The following BICD2 variants were observed in gnomAD, a reference collection of about 807,000 sequenced individuals.
The protein encoded by BICD2 is protein bicaudal D homolog 2.
BICD2 carries 25 observed loss-of-function variants against 72.9 expected under a neutral mutation model. That is an observed-to-expected ratio of 0.34 (90% CI 0.25 to 0.48). The LOEUF is 0.48. Among genes scored for constraint, BICD2 ranks in the 20% least tolerant of loss-of-function variants. The pLI, the probability that BICD2 is intolerant of heterozygous loss-of-function variation, is 0.99. For synonymous variants in BICD2, 501 were observed against 516.1 expected, an observed-to-expected ratio of 0.97 and a Z score of 0.40; for missense variants, 894 against 1,175.2, an observed-to-expected ratio of 0.76 and a Z score of 3.50.
intron 2 of BICD2, among the ~76,000 whole-genome samples, chr9:92,727,607 C>G (rs555305504): frequency 6.6e-6 from 1 of 152,254 alleles, no homozygotes; most frequent in Admixed American, 6.5e-5. Context: ...CTGCAGCTCA[C>G]GTGCCAACTT....
rs897213364 is a variant in BICD2, at chr9:92,747,882, C to A, written c.240+16623G>T. Among the ~76,000 whole-genome samples the A allele has an allele frequency of 2.6e-5, 4 of 152,188 alleles. No homozygotes were observed. In the East Asian group the frequency reaches 7.7e-4, roughly 29 times the overall value. On this transcript the variant is annotated intron_variant, in intron 1 of 6. Coordinates refer to ENST00000356884, the MANE Select transcript of BICD2 (RefSeq NM_001003800.2). ...ATGAATGGAAGACAGACAGGGGGAA[C>A]CTATGCACACAGCTGGGAGGTGACA...
rs117343755 is a variant in BICD2 at position 92,741,242 on chromosome 9, C to T, written c.241-12006G>A. Among the ~76,000 whole-genome samples, 277 of 152,310 alleles carry T rather than the reference C, an allele frequency of 1.8e-3. 2 individuals carry two copies. Among genetic ancestry groups the T allele is most frequent in the Middle Eastern group, 6.8e-3 (2 of 294 alleles). On this transcript the variant is annotated intron_variant, in intron 1 of 6. Coordinates refer to ENST00000356884, the MANE Select transcript of BICD2 (RefSeq NM_001003800.2). ...GGCAGGGACTCATGGACCAACTCCA[C>T]GCCCAACACAGATGCAAAAACCTGA...
intron 6 of BICD2, 34 bp downstream of exon 6, chr9:92,717,763 G>A: frequency 6.3e-7 from 1 of 1,576,422 alleles, no homozygotes; most frequent in South Asian, 1.2e-5. Flanking sequence ...AGCTGGCCTT[G>A]TGGAAGGGGA....
At chr9:92,758,222 TAATA>T (rs1221336632) in intron 1 of BICD2, among the ~76,000 whole-genome samples, 6 of 147,308 alleles carry the variant, frequency 4.1e-5, no homozygotes, top group African/African-American at 1.5e-4. Flanking sequence ...ATAATAATAA[TAATA>T]ATAATATGAA....
chr9:92,732,370 C>T (rs1481934828), intron 1 of BICD2, among the ~76,000 whole-genome samples: 1 of 151,800 alleles, frequency 6.6e-6, no homozygotes, highest in Non-Finnish European at 1.5e-5. Flanking sequence ...AATTGGAGTA[C>T]CCAAAGGAGA....
chr9:92,754,629 C>A (rs922685290), intron 1 of BICD2, among the ~76,000 whole-genome samples: 4 of 152,198 alleles, frequency 2.6e-5, no homozygotes, highest in Admixed American at 1.3e-4. Flanking sequence ...GAAGCCATGG[C>A]AGAAGAACGT....
intron 1 of BICD2, among the ~76,000 whole-genome samples, chr9:92,746,044 C>T (rs1854006538): frequency 6.6e-6 from 1 of 152,228 alleles, no homozygotes. Context: ...TGGCTAAAGC[C>T]AGTCATGGTG....
chr9:92,757,931 C>T (rs780096067), intron 1 of BICD2, among the ~76,000 whole-genome samples: 5 of 152,156 alleles, frequency 3.3e-5, no homozygotes, highest in Non-Finnish European at 7.4e-5. Context: ...AGGCTGGGCG[C>T]GGTGGCTCAC....
rs923779983 is a variant in BICD2, at chr9:92,764,276, G to C, written c.240+229C>G. Among the ~76,000 whole-genome samples, 3 of 152,164 alleles carry C rather than the reference G, an allele frequency of 2.0e-5. No individual in the cohort carries two copies. Among genetic ancestry groups the C allele is most frequent in the Admixed American group, 2.0e-4 (3 of 15,286 alleles). On this transcript the variant is annotated intron_variant, in intron 1 of 6. Transcript: ENST00000356884. This position sits in a 1 kb window ranked among gnomAD's most constrained non-coding sequence, Gnocchi z 5.5. ...AAGCAGGCGGGCAGCTGCAGGAGGC[G>C]ACAAGGCGCCCGGACCCCTGCATTA...
chr9:92,715,670 T>G (rs1853295242), intron 6 of BICD2, among the ~76,000 whole-genome samples: 1 of 152,056 alleles, frequency 6.6e-6, no homozygotes, highest in Admixed American at 6.5e-5. Flanking sequence ...CTGATAAGGG[T>G]GAGAGGGAGG....
chr9:92,755,825 G>A (rs1343836108), intron 1 of BICD2, among the ~76,000 whole-genome samples: 1 of 152,226 alleles, frequency 6.6e-6, no homozygotes, highest in Non-Finnish European at 1.5e-5. Flanking sequence ...GGCAACACAT[G>A]CCTGCAAAGC....
intron 1 of BICD2, among the ~76,000 whole-genome samples, chr9:92,762,115 T>C (rs1178052992): frequency 6.6e-6 from 1 of 152,208 alleles, no homozygotes; most frequent in Non-Finnish European, 1.5e-5. Flanking sequence ...TGGAGCACAA[T>C]TTATTAGTAA....
intron 1 of BICD2, among the ~76,000 whole-genome samples, chr9:92,759,276 C>T (rs949504799): frequency 6.6e-5 from 10 of 152,208 alleles, no homozygotes; most frequent in Admixed American, 3.9e-4. Context: ...CACACACTCA[C>T]AAGGGAAGAA....
At chr9:92,751,731 T>C (rs191358496) in intron 1 of BICD2, among the ~76,000 whole-genome samples, 38 of 152,184 alleles carry the variant, frequency 2.5e-4, no homozygotes, top group Admixed American at 2.5e-3. Context: ...CAGTATGAAC[T>C]CATGGTTAAC....
Position 92,720,832 on chromosome 9 carries a change from AC to A in BICD2, c.607-78del. 7.0e-7 allele frequency: 1 copy of A among 1,422,180 alleles called. No individual in the cohort carries two copies. The allele number at this position is 1,422,180 out of a possible 1,614,324, so 88.1% of individuals were successfully genotyped here. A position where few individuals can be genotyped will look rare whatever the true frequency, so the allele number is the denominator to read the frequency against. On this transcript the variant is annotated intron_variant, in intron 3 of 6. Transcript: ENST00000356884. This position sits in a 1 kb window ranked among gnomAD's most constrained non-coding sequence, Gnocchi z 5.4. ...CAGGCCCCATAAATGAAGAAAACAC[AC>A]CAGCACACCAACTCCGGCCACTATG...
intron 1 of BICD2, among the ~76,000 whole-genome samples, chr9:92,733,627 C>T (rs1853719143): frequency 6.6e-6 from 1 of 151,872 alleles, no homozygotes; most frequent in Admixed American, 6.6e-5. Flanking sequence ...CAAAAATTAA[C>T]TCAAAATGAA....
At chr9:92,718,006 C>T in intron 5 of BICD2, 58 bp from the exon 6 acceptor site, 1 of 1,560,246 alleles carries the variant, frequency 6.4e-7, no homozygotes, top group Non-Finnish European at 8.7e-7. Context: ...CCTAGAGGTG[C>T]TCTGGGAGCA....
Position 92,764,476 on chromosome 9 carries a change from G to C in BICD2, c.240+29C>G, listed in dbSNP as rs975892094. The C allele has an allele frequency of 5.5e-6, 8 of 1,464,946 alleles. No individual in the cohort carries two copies. In the Admixed American group the frequency reaches 1.7e-4, roughly 31 times the overall value. 90.7% of individuals were successfully genotyped at this position (1,464,946 alleles called of 1,614,324 possible). A position where few individuals can be genotyped will look rare whatever the true frequency, so the allele number is the denominator to read the frequency against. On this transcript the variant is annotated intron_variant, in intron 1 of 6. Coordinates refer to ENST00000356884, the MANE Select transcript of BICD2 (RefSeq NM_001003800.2). The surrounding 1 kb of genome is among the most constrained non-coding windows in gnomAD (Gnocchi z 5.5). ...GCCCACAGGCCCCGGCGCCGGGCGG[G>C]GGTCGCAGGGCAGGGCGGCTCGGCT... is the stretch of plus-strand genomic sequence containing the variant.
chr9:92,724,828 G>C (rs1853533627), intron 2 of BICD2, among the ~76,000 whole-genome samples: 2 of 152,206 alleles, frequency 1.3e-5, no homozygotes. Context: ...GGAGACTTGG[G>C]TACCTCTCTG....
Sources: gnomAD v4.1 joint callset for allele counts (sites outside exome capture counted in the v4.1 genomes callset) on GRCh38, gnomAD v4.1.1 for gene constraint, Gnocchi (gnomAD v3.1) non-coding constraint, MANE v1.5 for transcripts, NCBI Gene and HGNC (gene_info 2026-07-23, HGNC 2026-07-21) for gene names.